PCDHGB3: variants seen among roughly 807,000 people sequenced by gnomAD.
PCDHGB3 encodes the protein protocadherin gamma-B3.
Under a neutral mutation model 59.2 loss-of-function variants are expected in PCDHGB3, and 40 were observed. That is an observed-to-expected ratio of 0.68 (90% confidence interval 0.52 to 0.88). PCDHGB3 has a LOEUF of 0.88. Among genes scored for constraint, PCDHGB3 ranks in the 40% least tolerant of loss-of-function variants. PCDHGB3 has a pLI of 0.00. For synonymous variants in PCDHGB3, 581 were observed against 503.6 expected (o/e 1.15, Z -2.06); for missense variants, 1,309 against 1,187.9 (o/e 1.10, Z -1.50).
At chr5:141,382,833 C>T (rs1017641917) in intron 1 of PCDHGB3, 11 of 1,423,922 alleles carry the variant, frequency 7.7e-6, no homozygotes, top group South Asian at 1.4e-5. Flanking sequence ...GAGGGGTCCA[C>T]CCGGATACAC....
intron 1 of PCDHGB3, chr5:141,376,399 G>C (rs764497807): frequency 6.2e-7 from 1 of 1,614,182 alleles, no homozygotes; most frequent in South Asian, 1.1e-5. Flanking sequence ...TTTTCCCCCA[G>C]CCCAACTATG....
chr5:141,393,331 G>A (rs2092730399), intron 1 of PCDHGB3: 1 of 1,613,860 alleles, frequency 6.2e-7, no homozygotes. Flanking sequence ...TACCAGCTCA[G>A]CCCCAATCAC....
At chr5:141,422,044 G>C in intron 1 of PCDHGB3, 1 of 1,611,530 alleles carries the variant, frequency 6.2e-7, no homozygotes, top group Admixed American at 1.7e-5. Flanking sequence ...TCCAGACGAG[G>C]GAATCAACGG....
rs1387677265 is a variant in PCDHGB3 at position 141,486,434 on chromosome 5, T to C, written c.2416-8373T>C. 3 of 1,614,150 alleles carry C rather than the reference T, an allele frequency of 1.9e-6. No homozygotes were observed. The highest frequency in any genetic ancestry group is 2.5e-6 in the Non-Finnish European group (3 of 1,179,986). The stretch of plus-strand genomic sequence containing the variant: ...CTTGGATCGAGAGGCCAAATCTAGC[T>C]ATGACATCATGGTCACTGCTTCTGA... On this transcript the variant is annotated intron_variant, in intron 1 of 3. Coordinates refer to ENST00000576222, the MANE Select transcript of PCDHGB3 (RefSeq NM_018924.5). This position sits in a 1 kb window ranked among gnomAD's most constrained non-coding sequence, Gnocchi z 5.0.
Position 141,493,360 on chromosome 5 carries a change from G to T in PCDHGB3, c.2416-1447G>T, listed in dbSNP as rs1364095483. Reference sequence around the variant, plus strand: ...CAGAATGTGTGCTTTTAATTTCTTGGCACTTGGAACTTTAAAAGCTTGAGG... The same window carrying T: ...CAGAATGTGTGCTTTTAATTTCTTGTCACTTGGAACTTTAAAAGCTTGAGG... On this transcript the variant is annotated intron_variant, in intron 1 of 3. Transcript: ENST00000576222. This position sits in a 1 kb window ranked among gnomAD's most constrained non-coding sequence, Gnocchi z 4.3. Among the ~76,000 whole-genome samples the T allele has an allele frequency of 6.6e-6, 1 of 152,144 alleles. No individual in the cohort carries two copies. The highest frequency in any genetic ancestry group is 1.5e-5 in the Non-Finnish European group (1 of 68,022).
intron 1 of PCDHGB3, chr5:141,418,237 T>G (rs1470328670): frequency 6.2e-7 from 1 of 1,614,044 alleles, no homozygotes. Context: ...TTGAGGATGT[T>G]AATGACCACG....
At chr5:141,510,311 C>T (rs375516156) in intron 3 of PCDHGB3, among the ~76,000 whole-genome samples, 98 of 151,056 alleles carry the variant, frequency 6.5e-4, no homozygotes, top group African/African-American at 2.3e-3. Flanking sequence ...GAAATGGAGG[C>T]TTGGAAGAGC....
rs751276470 is a variant in PCDHGB3, at chr5:141,431,560, C to A, written c.2415+58751C>A. 6.2e-7 allele frequency: 1 copy of A among 1,614,104 alleles called. No individual in the cohort carries two copies. On this transcript the variant is annotated intron_variant, in intron 1 of 3. Coordinates refer to ENST00000576222, the MANE Select transcript of PCDHGB3 (RefSeq NM_018924.5). This position sits in a 1 kb window ranked among gnomAD's most constrained non-coding sequence, Gnocchi z 4.8. ...CGCAGCTGCTTGTAGTCAACGCTAC[C>A]GACCCTGACGAAGGAGTCAATGCGG...
In PCDHGB3 at chr5:141,432,122, G is replaced by C; in HGVS notation, c.2415+59313G>C. On this transcript the variant is annotated intron_variant, in intron 1 of 3. Transcript: ENST00000576222. This position sits in a 1 kb window ranked among gnomAD's most constrained non-coding sequence, Gnocchi z 6.0. ...CGACAACCCGCCGGTCTTCCCTCAG[G>C]CCTCCTATTCCGCTTATATCCCAGA... 6.2e-7 allele frequency: 1 copy of C among 1,614,052 alleles called. No homozygotes were observed. Among genetic ancestry groups the C allele is most frequent in the Non-Finnish European group, 8.5e-7 (1 of 1,180,022 alleles).
intron 1 of PCDHGB3, chr5:141,414,350 C>T (rs1450829111): frequency 1.9e-6 from 3 of 1,613,726 alleles, no homozygotes; most frequent in Admixed American, 1.7e-5. Flanking sequence ...TCCATTTTGG[C>T]GTATCTACCA....
At chr5:141,448,215 C>T (rs927573458) in intron 1 of PCDHGB3, among the ~76,000 whole-genome samples, 5 of 152,046 alleles carry the variant, frequency 3.3e-5, no homozygotes, top group African/African-American at 9.7e-5. Flanking sequence ...TGTGTGTATG[C>T]GAATGTATGT....
chr5:141,413,033 T>G, intron 1 of PCDHGB3: 1 of 776,760 alleles, frequency 1.3e-6, no homozygotes, highest in Non-Finnish European at 2.0e-6. Context: ...ACAAACCGGC[T>G]GCTGGGCTGC....
chr5:141,475,929 C>A, intron 1 of PCDHGB3: 1 of 634,624 alleles, frequency 1.6e-6, no homozygotes, highest in Non-Finnish European at 2.7e-6. Context: ...GGAGATCGGG[C>A]CCCTGCCCGT....
chr5:141,395,177 T>A (rs1325466781), intron 1 of PCDHGB3: 1 of 1,614,120 alleles, frequency 6.2e-7, no homozygotes, highest in Non-Finnish European at 8.5e-7. Context: ...GTGAGAAAAA[T>A]GATTCTTTGT....
intron 1 of PCDHGB3, chr5:141,399,316 T>C (rs1281033457): frequency 6.2e-7 from 1 of 1,613,772 alleles, no homozygotes; most frequent in Non-Finnish European, 8.5e-7. Flanking sequence ...ATCCAAAAAT[T>C]CGTATAAGTT....
chr5:141,441,750 A>C, intron 1 of PCDHGB3: 1 of 374,962 alleles, frequency 2.7e-6, no homozygotes, highest in South Asian at 2.1e-5. Context: ...GCTCGGCGTC[A>C]ACGTGAGCCT....
chr5:141,501,299 AC>A (rs1446641380), intron 2 of PCDHGB3, among the ~76,000 whole-genome samples: 1 of 149,208 alleles, frequency 6.7e-6, no homozygotes, highest in African/African-American at 2.5e-5. Flanking sequence ...ATACACACAC[AC>A]ACACACACAC....
At chr5:141,410,394 T>C in intron 1 of PCDHGB3, 1 of 1,614,054 alleles carries the variant, frequency 6.2e-7, no homozygotes, top group Non-Finnish European at 8.5e-7. Context: ...CATCCTGGTC[T>C]CTGTGTCAAG....
chr5:141,410,885 G>A (rs970749503), intron 1 of PCDHGB3: 7 of 287,302 alleles, frequency 2.4e-5, no homozygotes, highest in African/African-American at 1.6e-4. Context: ...ATGGAGTCTC[G>A]CACTGTTGCC....
Sources: allele counts gnomAD v4.1 joint callset (sites outside exome capture counted in the v4.1 genomes callset), GRCh38; gene constraint gnomAD v4.1.1; non-coding constraint Gnocchi (gnomAD v3.1); transcripts MANE v1.5; gene names NCBI Gene and HGNC (gene_info 2026-07-23, HGNC 2026-07-21).